The following GPR155 variants were observed in gnomAD, a reference collection of about 807,000 sequenced individuals.
GPR155 encodes lysosomal cholesterol signaling protein.
A neutral mutation model predicts 93.1 loss-of-function variants in GPR155; 65 were observed. The observed-to-expected ratio is 0.70, with a 90% CI of 0.57 to 0.86. GPR155 has a LOEUF of 0.86. Among genes scored for constraint, GPR155 ranks in the 40% least tolerant of loss-of-function variants. The pLI is 0.00. For synonymous variants in GPR155, 319 were observed against 360.1 expected, an observed-to-expected ratio of 0.89 and a Z score of 1.29; for missense variants, 838 against 1,034.8, an observed-to-expected ratio of 0.81 and a Z score of 2.61.
At chr2:174,447,213 C>T (rs1489460014) in intron 11 of GPR155, among the ~76,000 whole-genome samples, 2 of 150,828 alleles carry the variant, frequency 1.3e-5, no homozygotes, top group South Asian at 2.1e-4. Context: ...GGCGGGCACC[C>T]GTAATTCCAG....
chr2:174,477,640 T>C (rs779901239), intron 2 of GPR155, among the ~76,000 whole-genome samples: 6 of 152,220 alleles, frequency 3.9e-5, no homozygotes, highest in Non-Finnish European at 8.8e-5. Flanking sequence ...ATCTATAAAT[T>C]GGCAGTGCTT....
At chr2:174,482,796 G>C (rs898160502) in intron 1 of GPR155, 3 of 152,178 alleles carry the variant, frequency 2.0e-5, no homozygotes, top group Non-Finnish European at 4.4e-5. Flanking sequence ...CACTGTGCCC[G>C]ACCTGAACGA....
intron 11 of GPR155, among the ~76,000 whole-genome samples, chr2:174,449,195 G>A (rs1037888532): frequency 6.6e-6 from 1 of 152,174 alleles, no homozygotes; most frequent in African/African-American, 2.4e-5. Flanking sequence ...TCTTGCATCA[G>A]TCAGAAGGGC....
intron 12 of GPR155, 115 bp from the exon 13 acceptor site, chr2:174,445,291 C>T (rs1031288207): frequency 1.3e-4 from 80 of 618,136 alleles, no homozygotes; most frequent in East Asian, 8.0e-4. Flanking sequence ...AAAGACTAGA[C>T]GGAAAAACAC....
In GPR155 at chr2:174,435,957, C is replaced by A. The variant is rs867050647; in HGVS notation, c.*159G>T. The stretch of plus-strand genomic sequence containing the variant: ...TTTACATACATGTAAAATCACAGAC[C>A]CTGCGCATGTGGTGGGAGCACATCT... On this transcript the variant is annotated 3_prime_UTR_variant, in exon 16 of 16. Transcript: ENST00000392552. 3.3e-6 allele frequency: 2 copies of A among 606,884 alleles called. No individual in the cohort carries two copies. The highest frequency in any genetic ancestry group is 2.1e-5 in the South Asian group (1 of 46,730). 37.6% of individuals were successfully genotyped at this position (606,884 alleles called of 1,614,324 possible). A position where few individuals can be genotyped will look rare whatever the true frequency, so the allele number is the denominator to read the frequency against.
intron 4 of GPR155, 22 bp from the exon 5 acceptor site, chr2:174,469,089 G>A (rs1330102216): frequency 6.2e-7 from 1 of 1,608,738 alleles, no homozygotes; most frequent in East Asian, 2.2e-5. Context: ...AAATCAAACA[G>A]AGGAGTTACA....
intron 1 of GPR155, chr2:174,482,813 T>A (rs1231721124): frequency 6.6e-6 from 1 of 152,244 alleles, no homozygotes; most frequent in Non-Finnish European, 1.5e-5. Flanking sequence ...ACGAATTAAC[T>A]TTAACTTTTC....
chr2:174,473,101 C>T lies in GPR155; in HGVS notation c.724G>A (p.Glu242Lys), dbSNP rs140641354. The change falls in exon 3 of 16, where the codon GAA becomes AAA. Residue 242 changes from glutamate (E) to lysine (K), a missense_variant. Transcript: ENST00000392552. ...TTTCCAAGTCCATCAAGAAAATTTTCGACATATACAGGTACCTTTCGATCA... is the reference window on the plus strand; with the variant it reads ...TTTCCAAGTCCATCAAGAAAATTTTTGACATATACAGGTACCTTTCGATCA... ...ILDRKVPVYV[E>K]NFLDGLGNSF... 1.7e-5 allele frequency: 28 copies of T among 1,602,740 alleles called. 1 individual carries two copies. The highest frequency in any genetic ancestry group is 1.0e-4 in the South Asian group (9 of 87,958).
intron 3 of GPR155, among the ~76,000 whole-genome samples, chr2:174,471,482 A>G (rs2105725940): frequency 6.6e-6 from 1 of 151,942 alleles, no homozygotes; most frequent in East Asian, 1.9e-4. Context: ...AAAAAAAAAA[A>G]AAAAAATTAG....
chr2:174,451,832 A>C (rs1687330142), intron 11 of GPR155, among the ~76,000 whole-genome samples: 1 of 151,910 alleles, frequency 6.6e-6, no homozygotes, highest in South Asian at 2.1e-4. Flanking sequence ...TTCTTTGTAG[A>C]GATAGGGTCT....
chr2:174,457,262 A>G (rs1471250651), intron 10 of GPR155, among the ~76,000 whole-genome samples: 1 of 152,248 alleles, frequency 6.6e-6, no homozygotes, highest in Admixed American at 6.5e-5. Context: ...CAGTGTGCCA[A>G]GACTGCTCCA....
intron 15 of GPR155, 70 bp from the exon 16 acceptor site, chr2:174,436,486 G>A (rs1686789011): frequency 5.7e-6 from 8 of 1,414,834 alleles, no homozygotes; most frequent in Admixed American, 4.0e-5. Flanking sequence ...TAGAGGACAA[G>A]CAAGAAAAAA....
intron 4 of GPR155, among the ~76,000 whole-genome samples, chr2:174,469,731 C>T (rs1468282120): frequency 6.6e-6 from 1 of 151,782 alleles, no homozygotes; most frequent in Non-Finnish European, 1.5e-5. Flanking sequence ...TGTCTAAGTA[C>T]AGAAATAAAA....
rs1445200422 is a variant in GPR155, at chr2:174,473,367, G to A, written c.461-3C>T. On this transcript the variant is annotated splice_region_variant and splice_polypyrimidine_tract_variant and intron_variant, in intron 2 of 15. Coordinates refer to ENST00000392552, the MANE Select transcript of GPR155 (RefSeq NM_152529.7). Reference sequence around the variant, plus strand: ...TGTAGTTTGATATAAAGCTTCAACTGCAAAACAAGAATATTGATTTTTAAA... The same window carrying A: ...TGTAGTTTGATATAAAGCTTCAACTACAAAACAAGAATATTGATTTTTAAA... The A allele has an allele frequency of 2.6e-6, 4 of 1,542,602 alleles. No individual in the cohort carries two copies. The highest frequency in any genetic ancestry group is 3.5e-6 in the Non-Finnish European group (4 of 1,137,702).
chr2:174,445,821 A>G (rs1687103904), intron 12 of GPR155, among the ~76,000 whole-genome samples: 1 of 152,000 alleles, frequency 6.6e-6, no homozygotes, highest in South Asian at 2.1e-4. Flanking sequence ...TGAAGTAGTT[A>G]TGTTATTTTG....
chr2:174,479,527 T>G lies in GPR155; in HGVS notation c.460+1970A>C, dbSNP rs554951830. On this transcript the variant is annotated intron_variant, in intron 2 of 15. Transcript: ENST00000392552. ...GTAAGCCAGTTTCCTTATTTGAAAA[T>G]GAGGATAAAAATATCTGCCCTACCC... is the stretch of plus-strand genomic sequence containing the variant. 2.0e-5 allele frequency among the ~76,000 whole-genome samples: 3 copies of G among 152,242 alleles called. No homozygotes were observed. In the South Asian group the frequency reaches 6.2e-4, roughly 32 times the overall value.
chr2:174,451,820 G>T (rs1054127338), intron 11 of GPR155, among the ~76,000 whole-genome samples: 2 of 151,952 alleles, frequency 1.3e-5, no homozygotes, highest in African/African-American at 4.8e-5. Context: ...TAATTTTTTT[G>T]ATTCTTTGTA....
At chr2:174,464,060 T>C (rs959025419) in intron 7 of GPR155, among the ~76,000 whole-genome samples, 1 of 152,222 alleles carries the variant, frequency 6.6e-6, no homozygotes, top group African/African-American at 2.4e-5. Flanking sequence ...GCATCACTCC[T>C]GCCTTGTGAA....
intron 2 of GPR155, among the ~76,000 whole-genome samples, chr2:174,480,922 AC>A (rs756550899): frequency 4.7e-4 from 72 of 152,274 alleles, no homozygotes; most frequent in Non-Finnish European, 7.8e-4. Context: ...GCCTTGTGCC[AC>A]CACAGCTGAC....
Sources: allele counts gnomAD v4.1 joint callset (sites outside exome capture counted in the v4.1 genomes callset), GRCh38; gene constraint gnomAD v4.1.1; transcripts MANE v1.5; gene names NCBI Gene and HGNC (gene_info 2026-07-23, HGNC 2026-07-21).